The following ASB7 variants were observed in gnomAD, a reference collection of about 807,000 sequenced individuals.
ASB7 encodes the protein ankyrin repeat and SOCS box containing 7.
In ASB7, 4 loss-of-function variants were observed where a neutral mutation model predicts 32.5. The ratio of observed to expected loss-of-function variants is 0.12; its 90% confidence interval spans 0.06 to 0.28. The LOEUF (loss-of-function observed/expected upper bound fraction) is 0.28. ASB7 is among the 10% of genes least tolerant of loss of function. The pLI, the probability that ASB7 is intolerant of heterozygous loss-of-function variation, is 1.00. For synonymous variants in ASB7, 172 were observed against 155.6 expected (o/e 1.11, Z -0.78); for missense variants, 181 against 407.1 (o/e 0.44, Z 4.78).
intron 5 of ASB7, among the ~76,000 whole-genome samples, chr15:100,634,950 A>C (rs1406478519): frequency 6.6e-6 from 1 of 152,236 alleles, no homozygotes; most frequent in Non-Finnish European, 1.5e-5. Context: ...GCCCCCTGGA[A>C]AGGAGGCGGT....
intron 5 of ASB7, among the ~76,000 whole-genome samples, chr15:100,647,719 A>G (rs2040005672): frequency 6.6e-6 from 1 of 152,140 alleles, no homozygotes; most frequent in Admixed American, 6.5e-5. Context: ...CCTTACAACC[A>G]AGGTTCTGCT....
At chr15:100,624,968 A>C (rs2039825635) in intron 4 of ASB7, among the ~76,000 whole-genome samples, 1 of 152,258 alleles carries the variant, frequency 6.6e-6, no homozygotes, top group South Asian at 2.1e-4. Flanking sequence ...AACATCTGAA[A>C]ATCAATAGGC....
At chr15:100,619,487 G>A (rs1438742291) in intron 4 of ASB7, among the ~76,000 whole-genome samples, 1 of 152,208 alleles carries the variant, frequency 6.6e-6, no homozygotes, top group Non-Finnish European at 1.5e-5. Flanking sequence ...AGTAAATCAA[G>A]AATAACTGAG....
At chr15:100,630,904 T>C (rs1031983986) in intron 5 of ASB7, among the ~76,000 whole-genome samples, 3 of 152,120 alleles carry the variant, frequency 2.0e-5, no homozygotes, top group African/African-American at 7.3e-5. Flanking sequence ...GAGTTCCTTT[T>C]TCCTCACTGG....
At chr15:100,646,140 G>T (rs1453782280) in intron 5 of ASB7, 2 of 408,290 alleles carry the variant, frequency 4.9e-6, no homozygotes, top group African/African-American at 4.2e-5. Flanking sequence ...TGTTTCTCTG[G>T]ACATTCCACT....
intron 2 of ASB7, among the ~76,000 whole-genome samples, chr15:100,606,205 C>A (rs1411210558): frequency 6.7e-6 from 1 of 148,716 alleles, no homozygotes; most frequent in East Asian, 2.0e-4. Flanking sequence ...TTTTTTTTCT[C>A]AGACCCAATG....
At chr15:100,645,427 C>T (rs1207954470) in intron 5 of ASB7, 6 of 329,030 alleles carry the variant, frequency 1.8e-5, no homozygotes, top group Non-Finnish European at 3.5e-5. Flanking sequence ...CGAGTTCATG[C>T]CCCCCGGAAT....
chr15:100,617,904 A>T (rs1004451448), intron 4 of ASB7, among the ~76,000 whole-genome samples: 1 of 152,154 alleles, frequency 6.6e-6, no homozygotes, highest in Non-Finnish European at 1.5e-5. Flanking sequence ...TTATCAAAAA[A>T]TACTGGAAAT....
At chr15:100,618,366 C>T (rs2039761995) in intron 4 of ASB7, among the ~76,000 whole-genome samples, 2 of 152,112 alleles carry the variant, frequency 1.3e-5, no homozygotes, top group Non-Finnish European at 2.9e-5. Context: ...CTGCCCACCT[C>T]AGCCTCCCAA....
intron 2 of ASB7, among the ~76,000 whole-genome samples, chr15:100,608,640 T>C (rs908480909): frequency 6.6e-6 from 1 of 152,226 alleles, no homozygotes; most frequent in East Asian, 1.9e-4. Context: ...TAAGGATCGC[T>C]TTGCATGTTT....
At chr15:100,633,563 G>A (rs1400521185) in intron 5 of ASB7, among the ~76,000 whole-genome samples, 2 of 151,256 alleles carry the variant, frequency 1.3e-5, no homozygotes, top group Non-Finnish European at 2.9e-5. Context: ...GGTGACAAGA[G>A]TGAAACTCTC....
At chr15:100,611,192 A>G (rs1450802153) in intron 3 of ASB7, among the ~76,000 whole-genome samples, 1 of 152,082 alleles carries the variant, frequency 6.6e-6, no homozygotes. Context: ...CTACAGGTGC[A>G]CACTACCATG....
At chr15:100,603,778 TCTAA>T (rs2039602520) in intron 2 of ASB7, among the ~76,000 whole-genome samples, 1 of 152,236 alleles carries the variant, frequency 6.6e-6, no homozygotes, top group Non-Finnish European at 1.5e-5. Flanking sequence ...TTTTGAGTTA[TCTAA>T]CTGACAACGA....
At chr15:100,640,815 G>T (rs992339114) in intron 5 of ASB7, among the ~76,000 whole-genome samples, 1 of 152,172 alleles carries the variant, frequency 6.6e-6, no homozygotes, top group African/African-American at 2.4e-5. Flanking sequence ...TTATGCCGCT[G>T]GCCCTGGTTT....
At chr15:100,610,980 A>G (rs187189871) in intron 3 of ASB7, among the ~76,000 whole-genome samples, 35 of 152,350 alleles carry the variant, frequency 2.3e-4, no homozygotes, top group Admixed American at 2.0e-3. Context: ...CACACATGTA[A>G]GATGCAACTT....
intron 4 of ASB7, among the ~76,000 whole-genome samples, chr15:100,619,381 G>A (rs1020864764): frequency 5.9e-5 from 9 of 152,222 alleles, no homozygotes; most frequent in Admixed American, 2.0e-4. Flanking sequence ...GAACAGATTC[G>A]TGCTTTAGTA....
chr15:100,608,000 A>G (rs1163800976), intron 2 of ASB7, among the ~76,000 whole-genome samples: 1 of 152,230 alleles, frequency 6.6e-6, no homozygotes, highest in African/African-American at 2.4e-5. Context: ...GTTGGAAGCC[A>G]GCAACAACCA....
chr15:100,632,737 G>A (rs1296332782), intron 5 of ASB7, among the ~76,000 whole-genome samples: 1 of 151,714 alleles, frequency 6.6e-6, no homozygotes, highest in Non-Finnish European at 1.5e-5. Flanking sequence ...TCATCACACT[G>A]TTTTGCCTAG....
chr15:100,614,257 T>C (rs868714247), intron 4 of ASB7, among the ~76,000 whole-genome samples: 13 of 148,144 alleles, frequency 8.8e-5, no homozygotes, highest in South Asian at 8.7e-4. Context: ...CTGGGCGAAA[T>C]TGTGAAACTC....
Sources: allele counts gnomAD v4.1 joint callset (sites outside exome capture counted in the v4.1 genomes callset), GRCh38; gene constraint gnomAD v4.1.1; transcripts MANE v1.5; gene names NCBI Gene and HGNC (gene_info 2026-07-23, HGNC 2026-07-21).